The following GPC5 variants were observed in gnomAD, a reference collection of about 807,000 sequenced individuals.
The protein encoded by GPC5 is glypican 5.
In GPC5, 47 loss-of-function variants were observed where a neutral mutation model predicts 53.9. The observed-to-expected ratio is 0.87, with a 90% CI of 0.69 to 1.11. The LOEUF is 1.11. Among genes scored for constraint, GPC5 ranks in the 50% most tolerant of loss-of-function variants. The pLI is 0.00. For missense variants in GPC5, 748 were observed against 713.1 expected (o/e 1.05, Z -0.56); for synonymous variants, 286 against 263.3 (o/e 1.09, Z -0.84).
intron 2 of GPC5, among the ~76,000 whole-genome samples, chr13:91,481,357 G>A (rs1449409351): frequency 6.6e-6 from 1 of 152,124 alleles, no homozygotes; most frequent in African/African-American, 2.4e-5. Flanking sequence ...CTTTTGGGGT[G>A]AAGTGGAAGA....
At chr13:92,248,402 TATGGTTCTGGGACCAG>T (rs1047087030) in intron 7 of GPC5, among the ~76,000 whole-genome samples, 8 of 151,102 alleles carry the variant, frequency 5.3e-5, no homozygotes, top group Admixed American at 1.3e-4. Context: ...AGTTAAAACT[TATGGTTCTGGGACCAG>T]ATGGACTGCC....
intron 5 of GPC5, among the ~76,000 whole-genome samples, chr13:91,886,156 G>A (rs967326567): frequency 1.3e-5 from 2 of 152,138 alleles, no homozygotes; most frequent in Non-Finnish European, 2.9e-5. Flanking sequence ...AGGCCTCAAA[G>A]TCATGGCAGA....
intron 7 of GPC5, among the ~76,000 whole-genome samples, chr13:92,778,368 G>C (rs953389410): frequency 2.0e-5 from 3 of 152,056 alleles, no homozygotes; most frequent in African/African-American, 7.2e-5. Flanking sequence ...CTGTTGACTT[G>C]GACTTTTCTC....
intron 7 of GPC5, among the ~76,000 whole-genome samples, chr13:92,784,158 T>C (rs1384822812): frequency 1.3e-5 from 2 of 152,196 alleles, no homozygotes; most frequent in African/African-American, 4.8e-5. Flanking sequence ...AAACATTTGG[T>C]AAACTCAGGA....
intron 7 of GPC5, among the ~76,000 whole-genome samples, chr13:92,858,473 T>C (rs749494916): frequency 5.3e-5 from 8 of 152,132 alleles, no homozygotes; most frequent in Non-Finnish European, 8.8e-5. Context: ...ACAGACACCA[T>C]GCAGCTATAA....
intron 6 of GPC5, among the ~76,000 whole-genome samples, chr13:92,059,685 A>G (rs1478231519): frequency 6.6e-6 from 1 of 152,042 alleles, no homozygotes; most frequent in Non-Finnish European, 1.5e-5. Context: ...AGATGTTTCC[A>G]TATTTCATTA....
At chr13:92,482,172 G>A (rs764192544) in intron 7 of GPC5, among the ~76,000 whole-genome samples, 11 of 151,994 alleles carry the variant, frequency 7.2e-5, no homozygotes, top group Non-Finnish European at 1.5e-4. Context: ...AGCAGCTTGT[G>A]CCTGACACAC....
chr13:91,803,772 A>C (rs2038173333), intron 5 of GPC5, among the ~76,000 whole-genome samples: 1 of 122,624 alleles, frequency 8.2e-6, no homozygotes, highest in South Asian at 3.5e-4. Flanking sequence ...AGAGACAGAC[A>C]GACAGACAGA....
At chr13:92,678,896 A>C (rs1167048244) in intron 7 of GPC5, among the ~76,000 whole-genome samples, 1 of 152,212 alleles carries the variant, frequency 6.6e-6, no homozygotes, top group Non-Finnish European at 1.5e-5. Flanking sequence ...AAATATTTTT[A>C]AAGTAGAGTT....
At chr13:92,832,202 A>T (rs1878068977) in intron 7 of GPC5, among the ~76,000 whole-genome samples, 1 of 152,218 alleles carries the variant, frequency 6.6e-6, no homozygotes, top group African/African-American at 2.4e-5. Flanking sequence ...AACTATATTG[A>T]CATACACGTT....
intron 2 of GPC5, among the ~76,000 whole-genome samples, chr13:91,500,982 GCCTTTCA>G (rs1479100816): frequency 6.6e-6 from 1 of 152,092 alleles, no homozygotes; most frequent in Non-Finnish European, 1.5e-5. Context: ...TGGAAGATGT[GCCTTTCA>G]CCTTCTGCCG....
intron 7 of GPC5, among the ~76,000 whole-genome samples, chr13:92,705,107 T>C (rs1330589046): frequency 2.6e-5 from 4 of 151,994 alleles, no homozygotes; most frequent in African/African-American, 4.8e-5. Context: ...ATTGAAAGCA[T>C]GTGAAATTAA....
At chr13:92,228,096 G>A (rs2042501945) in intron 7 of GPC5, among the ~76,000 whole-genome samples, 1 of 151,410 alleles carries the variant, frequency 6.6e-6, no homozygotes, top group Non-Finnish European at 1.5e-5. Context: ...GGAGGAGGAG[G>A]AAGAAGATGG....
At chr13:91,991,893 A>G (rs903498059) in intron 6 of GPC5, among the ~76,000 whole-genome samples, 1 of 152,172 alleles carries the variant, frequency 6.6e-6, no homozygotes, top group African/African-American at 2.4e-5. Context: ...GTGGTTAGGA[A>G]ATATGCTTTT....
At chr13:91,448,336 A>G (rs1195000258) in intron 1 of GPC5, among the ~76,000 whole-genome samples, 1 of 152,188 alleles carries the variant, frequency 6.6e-6, no homozygotes, top group Admixed American at 6.5e-5. Context: ...CCTTTATGTG[A>G]TGTTCAAAAT....
chr13:92,746,421 C>G (rs1284552031), intron 7 of GPC5, among the ~76,000 whole-genome samples: 1 of 152,070 alleles, frequency 6.6e-6, no homozygotes, highest in Non-Finnish European at 1.5e-5. Context: ...ACATCTGTTT[C>G]ATTTTTAGTT....
In GPC5 at chr13:92,694,941, T is replaced by C. The variant is rs541413442; in HGVS notation, c.1562-171341T>C. On this transcript the variant is annotated intron_variant, in intron 7 of 7. Coordinates refer to ENST00000377067, the MANE Select transcript of GPC5 (RefSeq NM_004466.6). Reference sequence around the variant, plus strand: ...GTGATTAGATCGGTGTAGGGTGGGGTCCCCCATGTTGTTCTTGTGATAGTG... The same window carrying C: ...GTGATTAGATCGGTGTAGGGTGGGGCCCCCCATGTTGTTCTTGTGATAGTG... Among the ~76,000 whole-genome samples, 5 of 152,066 alleles carry C rather than the reference T, an allele frequency of 3.3e-5. No homozygotes were observed. The East Asian group carries it at 7.7e-4, about 24-fold the overall frequency.
intron 5 of GPC5, among the ~76,000 whole-genome samples, chr13:91,806,021 A>C (rs1394541551): frequency 2.1e-5 from 1 of 48,558 alleles, no homozygotes; most frequent in Non-Finnish European, 3.5e-5. Flanking sequence ...AAATACAATA[A>C]TTTTTTTTTT....
At chr13:91,463,187 C>G (rs998213670) in intron 2 of GPC5, among the ~76,000 whole-genome samples, 1 of 152,084 alleles carries the variant, frequency 6.6e-6, no homozygotes, top group African/African-American at 2.4e-5. Flanking sequence ...TTTAAATCAT[C>G]TCTAGATTAC....
Sources: gnomAD v4.1 joint callset for allele counts (sites outside exome capture counted in the v4.1 genomes callset) on GRCh38, gnomAD v4.1.1 for gene constraint, MANE v1.5 for transcripts, NCBI Gene and HGNC (gene_info 2026-07-23, HGNC 2026-07-21) for gene names.